The following LRP1B variants were observed in gnomAD, a reference collection of about 807,000 sequenced individuals.
The protein encoded by LRP1B is low-density lipoprotein receptor-related protein 1B.
In LRP1B, 217 loss-of-function variants were observed where a neutral mutation model predicts 556.6. The observed-to-expected ratio is 0.39, with a 90% CI of 0.35 to 0.44. The LOEUF is 0.44. Among genes scored for constraint, LRP1B ranks in the 20% least tolerant of loss-of-function variants. The pLI is 1.00. For synonymous variants in LRP1B, 2,047 were observed against 1,865.8 expected, an observed-to-expected ratio of 1.10 and a Z score of -2.50; for missense variants, 5,053 against 5,620.8, an observed-to-expected ratio of 0.90 and a Z score of 3.23.
intron 2 of LRP1B, among the ~76,000 whole-genome samples, chr2:141,789,923 C>T (rs1022647286): frequency 6.6e-6 from 1 of 151,918 alleles, no homozygotes; most frequent in African/African-American, 2.4e-5. Flanking sequence ...GATGACTTAA[C>T]CAGCGTCGAT....
chr2:140,969,708 A>C (rs1342801619), intron 18 of LRP1B, among the ~76,000 whole-genome samples: 1 of 152,122 alleles, frequency 6.6e-6, no homozygotes, highest in Non-Finnish European at 1.5e-5. Context: ...GAGCTCTTGT[A>C]GTGCGGGCCT....
At chr2:141,444,342 G>A (rs1203258205) in intron 3 of LRP1B, among the ~76,000 whole-genome samples, 11 of 152,110 alleles carry the variant, frequency 7.2e-5, no homozygotes, top group Admixed American at 5.2e-4. Context: ...CTGAGACAAT[G>A]GGGTTTTCTA....
intron 25 of LRP1B, among the ~76,000 whole-genome samples, chr2:140,872,808 G>C (rs1022130860): frequency 1.3e-5 from 2 of 151,464 alleles, no homozygotes; most frequent in Non-Finnish European, 2.9e-5. Context: ...CAACTGCCTA[G>C]GGTTGTGAAA....
intron 3 of LRP1B, among the ~76,000 whole-genome samples, chr2:141,285,748 G>A (rs1175952048): frequency 7.2e-6 from 1 of 139,662 alleles, no homozygotes; most frequent in Non-Finnish European, 1.5e-5. Flanking sequence ...GAGCCACCGA[G>A]CCCGGCCAAG....
intron 2 of LRP1B, among the ~76,000 whole-genome samples, chr2:141,539,940 C>G (rs1181097672): frequency 6.6e-6 from 1 of 151,968 alleles, no homozygotes. Flanking sequence ...TAGGCAAATG[C>G]GTTATTGAAA....
At chr2:140,995,494 T>C (rs1052431150) in intron 15 of LRP1B, among the ~76,000 whole-genome samples, 3 of 152,084 alleles carry the variant, frequency 2.0e-5, no homozygotes, top group South Asian at 4.1e-4. Context: ...TACCACTTTA[T>C]ATTTATGCTG....
intron 7 of LRP1B, among the ~76,000 whole-genome samples, chr2:141,146,746 C>A (rs1701793345): frequency 6.6e-6 from 1 of 152,196 alleles, no homozygotes; most frequent in African/African-American, 2.4e-5. Context: ...ATAGAAGATA[C>A]TTTTCCCATC....
intron 6 of LRP1B, among the ~76,000 whole-genome samples, chr2:141,205,478 T>G (rs1239923324): frequency 6.6e-6 from 1 of 152,142 alleles, no homozygotes; most frequent in East Asian, 1.9e-4. Flanking sequence ...TTTGCATAAT[T>G]TATATATTAA....
At chr2:141,362,945 C>T (rs756967249) in intron 3 of LRP1B, among the ~76,000 whole-genome samples, 20 of 152,010 alleles carry the variant, frequency 1.3e-4, no homozygotes, top group Non-Finnish European at 2.2e-4. Flanking sequence ...TTATTAGATA[C>T]ACCACCTGCA....
chr2:140,723,642 G>A (rs1259845433), intron 35 of LRP1B, among the ~76,000 whole-genome samples: 2 of 152,170 alleles, frequency 1.3e-5, no homozygotes, highest in African/African-American at 4.8e-5. Context: ...TTAAAATTCT[G>A]TAACTGTAAA....
intron 71 of LRP1B, 134 bp downstream of exon 71, chr2:140,370,576 T>C: frequency 4.9e-6 from 6 of 1,219,946 alleles, no homozygotes; most frequent in Non-Finnish European, 6.8e-6. Context: ...GGCTGCTATG[T>C]AATGAAACTT....
At chr2:141,352,041 A>G (rs534234537) in intron 3 of LRP1B, among the ~76,000 whole-genome samples, 37 of 152,046 alleles carry the variant, frequency 2.4e-4, no homozygotes, top group Non-Finnish European at 5.2e-4. Flanking sequence ...GAAGAAAATG[A>G]TAATGAGAAG....
chr2:140,257,499 A>G (rs1424594985), intron 86 of LRP1B, among the ~76,000 whole-genome samples: 2 of 152,190 alleles, frequency 1.3e-5, no homozygotes, highest in Non-Finnish European at 2.9e-5. Context: ...TTCTTTATTA[A>G]GCAGTGCCAC....
At chr2:141,641,054 C>G (rs1039968209) in intron 2 of LRP1B, among the ~76,000 whole-genome samples, 2 of 151,992 alleles carry the variant, frequency 1.3e-5, no homozygotes, top group African/African-American at 4.8e-5. Flanking sequence ...GAGAAACAAT[C>G]GTTATAAACA....
intron 3 of LRP1B, among the ~76,000 whole-genome samples, chr2:141,421,153 T>C (rs1483852892): frequency 6.6e-6 from 1 of 152,232 alleles, no homozygotes; most frequent in East Asian, 1.9e-4. Flanking sequence ...GAACAAGGGC[T>C]GCAACTTCCT....
chr2:140,290,025 G>A (rs1270548984), intron 84 of LRP1B, among the ~76,000 whole-genome samples: 3 of 151,936 alleles, frequency 2.0e-5, no homozygotes, highest in African/African-American at 7.3e-5. Flanking sequence ...CTGTAAACAG[G>A]ATCTTTCTAC....
At chr2:141,363,209 A>T (rs1305549622) in intron 3 of LRP1B, among the ~76,000 whole-genome samples, 2 of 152,146 alleles carry the variant, frequency 1.3e-5, no homozygotes, top group Non-Finnish European at 2.9e-5. Context: ...TTTCTGTCCA[A>T]TCTTAACCAT....
At chr2:142,051,786 C>T (rs181225095) in intron 1 of LRP1B, among the ~76,000 whole-genome samples, 367 of 152,106 alleles carry the variant, frequency 2.4e-3, no homozygotes, top group South Asian at 0.014. Context: ...TGGAATTCCC[C>T]ACCATATAGT....
At chr2:141,671,946 C>A (rs1234811864) in intron 2 of LRP1B, among the ~76,000 whole-genome samples, 1 of 151,678 alleles carries the variant, frequency 6.6e-6, no homozygotes, top group East Asian at 1.9e-4. Context: ...CTGAACCAGA[C>A]CAACAGGGTG....
Sources: gnomAD v4.1 joint callset for allele counts (sites outside exome capture counted in the v4.1 genomes callset) on GRCh38, gnomAD v4.1.1 for gene constraint, MANE v1.5 for transcripts, NCBI Gene and HGNC (gene_info 2026-07-23, HGNC 2026-07-21) for gene names.